KIAA1217: variants seen among roughly 807,000 people sequenced by gnomAD.
KIAA1217 encodes sickle tail protein homolog.
In KIAA1217, 88 loss-of-function variants were observed where a neutral mutation model predicts 163.9. The ratio of observed to expected loss-of-function variants is 0.54; its 90% confidence interval spans 0.45 to 0.64. The LOEUF is 0.64. KIAA1217 is among the 30% of genes least tolerant of loss of function. KIAA1217 has a pLI of 0.00. For missense variants in KIAA1217, 2,372 were observed against 2,475.0 expected (o/e 0.96, Z 0.88); for synonymous variants, 903 against 923.1 (o/e 0.98, Z 0.39).
At chr10:24,144,037 G>C (rs1190262968) in intron 2 of KIAA1217, among the ~76,000 whole-genome samples, 4 of 152,084 alleles carry the variant, frequency 2.6e-5, no homozygotes, top group Non-Finnish European at 5.9e-5. Flanking sequence ...TATTAGACTG[G>C]ACTTAAATCT....
intron 1 of KIAA1217, among the ~76,000 whole-genome samples, chr10:23,896,349 G>A (rs533619183): frequency 5.9e-5 from 9 of 152,028 alleles, no homozygotes; most frequent in East Asian, 3.9e-4. Flanking sequence ...ACTTCTATTG[G>A]CATTCACGCA....
At chr10:24,119,605 A>G (rs1208092413) in intron 2 of KIAA1217, among the ~76,000 whole-genome samples, 1 of 152,184 alleles carries the variant, frequency 6.6e-6, no homozygotes, top group African/African-American at 2.4e-5. Context: ...AGGCTGATCT[A>G]GCTGTATGTG....
intron 2 of KIAA1217, among the ~76,000 whole-genome samples, chr10:24,047,322 G>C (rs1474589428): frequency 3.3e-5 from 5 of 152,096 alleles, no homozygotes; most frequent in African/African-American, 1.2e-4. Context: ...AATCACTCAA[G>C]TCTAATTCTC....
intron 2 of KIAA1217, among the ~76,000 whole-genome samples, chr10:24,134,682 T>A (rs2063771938): frequency 6.6e-6 from 1 of 152,134 alleles, no homozygotes; most frequent in South Asian, 2.1e-4. Context: ...CAAGCGATCC[T>A]CCTATCTTAG....
At chr10:24,074,758 C>A (rs2061313952) in intron 2 of KIAA1217, among the ~76,000 whole-genome samples, 1 of 138,510 alleles carries the variant, frequency 7.2e-6, no homozygotes, top group Non-Finnish European at 1.5e-5. Context: ...GATTTGAGTG[C>A]AGTGGCCTGC....
chr10:24,513,119 C>T, intron 9 of KIAA1217, 140 bp from the exon 10 acceptor site: 1 of 788,200 alleles, frequency 1.3e-6, no homozygotes, highest in Non-Finnish European at 2.0e-6. Context: ...AGTCTTTGCT[C>T]CCTTTCCTTT....
At chr10:24,518,721 T>C (rs2070610286) in intron 10 of KIAA1217, among the ~76,000 whole-genome samples, 1 of 152,178 alleles carries the variant, frequency 6.6e-6, no homozygotes, top group Admixed American at 6.5e-5. Flanking sequence ...TTCAGTGAGG[T>C]GGCACAATCT....
intron 6 of KIAA1217, among the ~76,000 whole-genome samples, chr10:24,487,545 T>C (rs1279651699): frequency 2.6e-5 from 4 of 152,260 alleles, no homozygotes; most frequent in Non-Finnish European, 4.4e-5. Flanking sequence ...CCACATCTCA[T>C]TGCCAGTTTT....
upstream of KIAA1217, among the ~76,000 whole-genome samples, chr10:24,206,232 A>G (rs945512622): frequency 1.3e-5 from 2 of 152,186 alleles, no homozygotes; most frequent in African/African-American, 4.8e-5. Context: ...CGCTTTCCTT[A>G]TGCCTTTCAC....
At chr10:23,852,127 C>A (rs1400489856) in intron 1 of KIAA1217, among the ~76,000 whole-genome samples, 1 of 152,046 alleles carries the variant, frequency 6.6e-6, no homozygotes, top group African/African-American at 2.4e-5. Flanking sequence ...AGGTTTTCTT[C>A]TAGGGTTTTT....
intron 2 of KIAA1217, among the ~76,000 whole-genome samples, chr10:24,311,732 C>A (rs893532786): frequency 6.6e-6 from 1 of 152,090 alleles, no homozygotes; most frequent in Non-Finnish European, 1.5e-5. Flanking sequence ...CCTGTGGGAA[C>A]TTTTTGTCAT....
intron 1 of KIAA1217, among the ~76,000 whole-genome samples, chr10:23,910,285 A>G (rs1488939578): frequency 6.6e-6 from 1 of 151,850 alleles, no homozygotes; most frequent in Non-Finnish European, 1.5e-5. Context: ...GTACCCCAGA[A>G]CTTAAAGTAT....
intron 2 of KIAA1217, among the ~76,000 whole-genome samples, chr10:24,175,771 G>A (rs975119518): frequency 6.6e-6 from 1 of 152,076 alleles, no homozygotes; most frequent in Non-Finnish European, 1.5e-5. Context: ...GACCTTCGTG[G>A]TGAGTGTTAC....
At chr10:24,019,878 G>A (rs1318764030) in intron 2 of KIAA1217, among the ~76,000 whole-genome samples, 5 of 151,890 alleles carry the variant, frequency 3.3e-5, no homozygotes, top group Non-Finnish European at 7.4e-5. Flanking sequence ...TACAATAATG[G>A]CTGAGAATTT....
At position 23,900,292 on chromosome 10, in the gene KIAA1217, C is replaced by A. The variant is rs114595146; in HGVS notation, c.-320-106933C>A. ...AAGTGCTGAGATTACAAGCACGAGCCACCACACCCAGCCCCTTCCTTTCTT... is the reference window on the plus strand; with the variant it reads ...AAGTGCTGAGATTACAAGCACGAGCAACCACACCCAGCCCCTTCCTTTCTT... On this transcript the variant is annotated intron_variant, in intron 1 of 18. Coordinates refer to the KIAA1217 transcript ENST00000376462. Among the ~76,000 whole-genome samples, 1,509 of 152,196 alleles carry A rather than the reference C, an allele frequency of 9.9e-3. 28 individuals carry two copies. Among genetic ancestry groups the A allele is most frequent in the African/African-American group, 0.034 (1,416 of 41,554 alleles).
At chr10:24,194,013 C>T (rs1345904045) in intron 2 of KIAA1217, among the ~76,000 whole-genome samples, 1 of 151,896 alleles carries the variant, frequency 6.6e-6, no homozygotes, top group Non-Finnish European at 1.5e-5. Flanking sequence ...ATGGCGAAAC[C>T]CCATCTCTAC....
intron 1 of KIAA1217, among the ~76,000 whole-genome samples, chr10:23,948,084 G>C (rs767234170): frequency 6.6e-6 from 1 of 152,142 alleles, no homozygotes; most frequent in Non-Finnish European, 1.5e-5. Flanking sequence ...TTGCTTTCGT[G>C]AGGTTGTTTG....
At chr10:24,177,379 A>ATG (rs1554894832) in intron 2 of KIAA1217, among the ~76,000 whole-genome samples, 132 of 144,292 alleles carry the variant, frequency 9.1e-4, no homozygotes, top group South Asian at 3.7e-3. Context: ...ATATATATAT[A>ATG]TGTGTGTGTC....
At chr10:24,068,676 C>G (rs1330532063) in intron 2 of KIAA1217, among the ~76,000 whole-genome samples, 1 of 152,192 alleles carries the variant, frequency 6.6e-6, no homozygotes, top group Non-Finnish European at 1.5e-5. Context: ...CTACTCCAAA[C>G]TGCCATCTTT....
Sources: gnomAD v4.1 joint callset for allele counts (sites outside exome capture counted in the v4.1 genomes callset) on GRCh38, gnomAD v4.1.1 for gene constraint, MANE v1.5 for transcripts, NCBI Gene and HGNC (gene_info 2026-07-23, HGNC 2026-07-21) for gene names.